NEO1: variants seen among roughly 807,000 people sequenced by gnomAD.
The protein encoded by NEO1 is neogenin 1, also known as neogenin.
NEO1 carries 63 observed loss-of-function variants against 159.7 expected under a neutral mutation model. The observed-to-expected ratio is 0.39, with a 90% CI of 0.32 to 0.49. The LOEUF (loss-of-function observed/expected upper bound fraction) is 0.49. Ranked by LOEUF, NEO1 falls within the 20% of genes least tolerant of loss-of-function variation. The pLI, the probability that NEO1 is intolerant of heterozygous loss-of-function variation, is 0.85. For missense variants in NEO1, 1,615 were observed against 1,831.0 expected (o/e 0.88, Z 2.15); for synonymous variants, 633 against 662.0 (o/e 0.96, Z 0.67).
intron 1 of NEO1, among the ~76,000 whole-genome samples, chr15:73,074,414 G>C (rs1315300294): frequency 6.6e-6 from 1 of 152,148 alleles, no homozygotes; most frequent in Non-Finnish European, 1.5e-5. Flanking sequence ...TCATGAGTAA[G>C]ATAAGGAGAA....
At chr15:73,183,215 T>C (rs1596283758) in intron 7 of NEO1, among the ~76,000 whole-genome samples, 1 of 152,068 alleles carries the variant, frequency 6.6e-6, no homozygotes, top group Admixed American at 6.5e-5. Flanking sequence ...GAGAGAATGA[T>C]GCAGAGAGGC....
At position 73,061,611 on chromosome 15, in the gene NEO1, TG is replaced by T. The variant is rs1567105523; in HGVS notation, c.130+8811del. Among the ~76,000 whole-genome samples the T allele has an allele frequency of 2.0e-5, 3 of 152,352 alleles. No homozygotes were observed. The South Asian group carries it at 6.2e-4, about 32-fold the overall frequency. On this transcript the variant is annotated intron_variant, in intron 1 of 28. Transcript: ENST00000261908. ...AAAATATGTATGTGGATTTTTAATT[TG>T]GGGGTAAAGTTAATTGTTGAATTTT...
At chr15:73,158,936 T>C (rs890900402) in intron 5 of NEO1, among the ~76,000 whole-genome samples, 1 of 152,134 alleles carries the variant, frequency 6.6e-6, no homozygotes, top group Non-Finnish European at 1.5e-5. Context: ...TTTTTTGAGG[T>C]CTGCAGTGAA....
chr15:73,175,767 A>T (rs2035249080), intron 5 of NEO1, among the ~76,000 whole-genome samples: 1 of 152,218 alleles, frequency 6.6e-6, no homozygotes, highest in Admixed American at 6.5e-5. Context: ...TCTAATTAAA[A>T]ATATTATGAT....
chr15:73,297,454 T>C (rs1361842349), intron 26 of NEO1, among the ~76,000 whole-genome samples: 3 of 152,240 alleles, frequency 2.0e-5, no homozygotes, highest in Non-Finnish European at 2.9e-5. Context: ...TCAGCACTTT[T>C]CATACATCTC....
chr15:73,060,728 G>A lies in NEO1; in HGVS notation c.130+7923G>A, dbSNP rs189648001. ...AGTGGCATGATCACAGCTTACTGCA[G>A]CCTCAACCTTCCAGGCTCAGGTGAT... is the stretch of plus-strand genomic sequence containing the variant. On this transcript the variant is annotated intron_variant, in intron 1 of 28. Coordinates refer to ENST00000261908, the MANE Select transcript of NEO1 (RefSeq NM_002499.4). Among the ~76,000 whole-genome samples the A allele has an allele frequency of 8.0e-4, 122 of 151,720 alleles. 3 individuals are homozygous for A. In the East Asian group the frequency reaches 0.013, roughly 17 times the overall value.
At chr15:73,225,205 T>A (rs1157398558) in intron 7 of NEO1, among the ~76,000 whole-genome samples, 1 of 151,950 alleles carries the variant, frequency 6.6e-6, no homozygotes, top group Non-Finnish European at 1.5e-5. Context: ...CCAGTGGAGG[T>A]GGCAGGGGGG....
intron 27 of NEO1, among the ~76,000 whole-genome samples, chr15:73,300,456 G>A (rs1470033699): frequency 2.0e-5 from 3 of 152,214 alleles, no homozygotes; most frequent in South Asian, 2.1e-4. Context: ...TTGGCCGGGC[G>A]CGGTGGCTCA....
At chr15:73,089,283 G>A (rs2069542640) in intron 1 of NEO1, among the ~76,000 whole-genome samples, 1 of 152,090 alleles carries the variant, frequency 6.6e-6, no homozygotes, top group African/African-American at 2.4e-5. Context: ...AAGAATAGGA[G>A]GATAGATTAG....
intron 25 of NEO1, among the ~76,000 whole-genome samples, chr15:73,292,045 C>T (rs554946349): frequency 6.6e-6 from 1 of 152,244 alleles, no homozygotes; most frequent in South Asian, 2.1e-4. Context: ...TATTCCCGGG[C>T]ACAACCTGGA....
At chr15:73,109,847 A>C (rs1459372271) in intron 1 of NEO1, among the ~76,000 whole-genome samples, 1 of 152,062 alleles carries the variant, frequency 6.6e-6, no homozygotes, top group Non-Finnish European at 1.5e-5. Flanking sequence ...TCCCCAGGAG[A>C]GGGGTTCTGT....
At chr15:73,297,607 G>A (rs745755999) in intron 26 of NEO1, among the ~76,000 whole-genome samples, 4 of 152,164 alleles carry the variant, frequency 2.6e-5, no homozygotes, top group East Asian at 1.9e-4. Flanking sequence ...TCCAGAGTCC[G>A]TGCTTTTCTA....
chr15:73,216,928 G>T (rs1025741379), intron 7 of NEO1, among the ~76,000 whole-genome samples: 10 of 151,452 alleles, frequency 6.6e-5, no homozygotes, highest in African/African-American at 1.7e-4. Flanking sequence ...AAGCTCTTTA[G>T]TTTAATTAGA....
chr15:73,154,429 A>G (rs2033624268), intron 5 of NEO1, among the ~76,000 whole-genome samples: 1 of 152,162 alleles, frequency 6.6e-6, no homozygotes, highest in South Asian at 2.1e-4. Context: ...TTTTGCCATC[A>G]AATTCTAGAT....
chr15:73,272,804 C>T (rs2041232827), intron 19 of NEO1, among the ~76,000 whole-genome samples: 1 of 152,084 alleles, frequency 6.6e-6, no homozygotes, highest in African/African-American at 2.4e-5. Context: ...AGGCACTAGA[C>T]AGCCTTTGGC....
intron 1 of NEO1, among the ~76,000 whole-genome samples, chr15:73,094,109 C>G (rs2069861267): frequency 6.6e-6 from 1 of 152,044 alleles, no homozygotes; most frequent in African/African-American, 2.4e-5. Context: ...TATAATCCAC[C>G]TATTTAAAAT....
chr15:73,146,186 C>T (rs1035349126), intron 5 of NEO1, among the ~76,000 whole-genome samples: 2 of 152,046 alleles, frequency 1.3e-5, no homozygotes, highest in South Asian at 2.1e-4. Context: ...TTACATTTTC[C>T]CCCCAGTTTT....
intron 1 of NEO1, among the ~76,000 whole-genome samples, chr15:73,103,359 G>A (rs1004562007): frequency 6.6e-6 from 1 of 152,164 alleles, no homozygotes; most frequent in Non-Finnish European, 1.5e-5. Context: ...CTTCCCAGTT[G>A]TGAATTTCTT....
rs534838240 is a variant in NEO1 at position 73,236,998 on chromosome 15, A to G, written c.1451+492A>G. ...CAGGAGCTCACATTGCTCATAGGGG[A>G]AGATCTATAATGTCCAGGCTGCTTT... is the stretch of plus-strand genomic sequence containing the variant. On this transcript the variant is annotated intron_variant, in intron 8 of 28. Coordinates refer to ENST00000261908, the MANE Select transcript of NEO1 (RefSeq NM_002499.4). 3.9e-5 allele frequency among the ~76,000 whole-genome samples: 6 copies of G among 152,260 alleles called. No individual in the cohort carries two copies. The South Asian group carries it at 8.3e-4, about 21-fold the overall frequency.
Sources: allele counts gnomAD v4.1 joint callset (sites outside exome capture counted in the v4.1 genomes callset), GRCh38; gene constraint gnomAD v4.1.1; transcripts MANE v1.5; gene names NCBI Gene and HGNC (gene_info 2026-07-23, HGNC 2026-07-21).